Variants in ABCG2 observed in about 807,000 individuals in gnomAD.
The protein encoded by ABCG2 is broad substrate specificity ATP-binding cassette transporter ABCG2.
ABCG2 carries 80 observed loss-of-function variants against 73.5 expected under a neutral mutation model. The ratio of observed to expected loss-of-function variants is 1.09; its 90% CI spans 0.91 to 1.31. The LOEUF (loss-of-function observed/expected upper bound fraction) is 1.31. Among genes scored for constraint, ABCG2 ranks in the 50% most tolerant of loss-of-function variants. The probability of loss-of-function intolerance (pLI) is 0.00; values close to 1 mark genes in which losing one functional copy is unlikely to be tolerated. For synonymous variants in ABCG2, 269 were observed against 282.4 expected (o/e 0.95, Z 0.48); for missense variants, 796 against 786.2 (o/e 1.01, Z -0.15).
At chr4:88,132,005 A>G (rs1724927252) in intron 3 of ABCG2, 88 bp from the exon 4 acceptor site, 10 of 808,096 alleles carry the variant, frequency 1.2e-5, no homozygotes, top group South Asian at 1.9e-5. Flanking sequence ...CACATGCTAT[A>G]TATCTCATGG....
chr4:88,184,681 A>C (rs975864102), intron 1 of ABCG2, among the ~76,000 whole-genome samples: 13 of 152,220 alleles, frequency 8.5e-5, no homozygotes, highest in Non-Finnish European at 1.6e-4. Flanking sequence ...GGCATTCATC[A>C]TAAGAATAGA....
intron 10 of ABCG2, among the ~76,000 whole-genome samples, chr4:88,105,127 T>G (rs1049923804): frequency 6.6e-6 from 1 of 152,186 alleles, no homozygotes; most frequent in African/African-American, 2.4e-5. Context: ...AAAACAACAA[T>G]GACATCACTC....
chr4:88,167,478 A>G (rs1025967783), intron 1 of ABCG2, among the ~76,000 whole-genome samples: 4 of 150,976 alleles, frequency 2.6e-5, no homozygotes, highest in Non-Finnish European at 5.9e-5. Context: ...GGCTCAAGCA[A>G]TTATCCTGCC....
Position 88,101,188 on chromosome 4 carries a change from T to G in ABCG2, c.1367+42A>C, listed in dbSNP as rs45614634. The G allele has an allele frequency of 1.9e-4, 306 of 1,573,350 alleles. No homozygotes were observed. The African/African-American group carries it at 3.5e-3, about 18-fold the overall frequency. Reference sequence around the variant, plus strand: ...TGTAATCAGTCTAACCAATAGCCCCTGCTGCTGGACAGCCCCGTTCCCAGA... The same window carrying G: ...TGTAATCAGTCTAACCAATAGCCCCGGCTGCTGGACAGCCCCGTTCCCAGA... On this transcript the variant is annotated intron_variant, in intron 11 of 15. Coordinates refer to ENST00000237612, the MANE Select transcript of ABCG2 (RefSeq NM_004827.3).
At position 88,113,289 on chromosome 4, in the gene ABCG2, A is replaced by C. The variant is rs777549352; in HGVS notation, c.1194+14T>G. 7 of 1,610,362 alleles carry C rather than the reference A, an allele frequency of 4.3e-6. No homozygotes were observed. The South Asian group carries it at 7.8e-5, about 18-fold the overall frequency. ...TGTTCCCATTTGAGTATTTCAAAAG[A>C]ATCTGCTGGTTACCTGAGCTATAGA... On this transcript the variant is annotated intron_variant, in intron 9 of 15. Transcript: ENST00000237612.
At chr4:88,127,271 T>A (rs1578204821) in intron 5 of ABCG2, among the ~76,000 whole-genome samples, 1 of 150,678 alleles carries the variant, frequency 6.6e-6, no homozygotes, top group African/African-American at 2.4e-5. Context: ...AATAAGAGAG[T>A]ACACAAACAA....
Position 88,181,398 on chromosome 4 carries a change from CAA to C in ABCG2, c.-19-41386_-19-41385del, listed in dbSNP as rs57417105. On this transcript the variant is annotated intron_variant, in intron 1 of 15. Coordinates refer to the ABCG2 transcript ENST00000515655. ...CTGGTGACAGAGCAAGACTCCATCT[CAA>C]AAAAAAAAAAAAAAAAAAAAAAAGA... 1.1e-4 allele frequency among the ~76,000 whole-genome samples: 11 copies of C among 96,876 alleles called. No homozygotes were observed. In the South Asian group the frequency reaches 1.7e-3, roughly 15 times the overall value. The allele number at this position is 96,876 out of a possible 152,430, so 63.6% of individuals were successfully genotyped here. A position where few individuals can be genotyped will look rare whatever the true frequency, so the allele number is the denominator to read the frequency against.
In ABCG2 at chr4:88,122,618, T is replaced by G. The variant is rs552924684; in HGVS notation, c.532-826A>C. ...TAGCCAGACTGCCTCTCTAGATTCC[T>G]CCTCTCTATGCAGGGCATCTCTGAA... On this transcript the variant is annotated intron_variant, in intron 5 of 15. Transcript: ENST00000237612. Among the ~76,000 whole-genome samples, 38 of 152,232 alleles carry G rather than the reference T, an allele frequency of 2.5e-4. 1 individual carries two copies. The South Asian group carries it at 2.7e-3, about 11-fold the overall frequency.
chr4:88,158,949 G>C (rs954009057), upstream of ABCG2: 18 of 348,184 alleles, frequency 5.2e-5, no homozygotes, highest in Admixed American at 5.2e-4. Flanking sequence ...CCCAGGTCGG[G>C]GTTCGCGGGC....
At chr4:88,210,312 C>T (rs1295763400) in intron 1 of ABCG2, among the ~76,000 whole-genome samples, 2 of 152,188 alleles carry the variant, frequency 1.3e-5, no homozygotes, top group Admixed American at 1.3e-4. Context: ...ACCTCAGCCT[C>T]CAGTGGCTGG....
intron 11 of ABCG2, among the ~76,000 whole-genome samples, chr4:88,100,509 A>G (rs1722325892): frequency 1.3e-5 from 2 of 150,374 alleles, no homozygotes; most frequent in African/African-American, 2.4e-5. Context: ...TCTATGTCAA[A>G]AAAAAAAAAA....
chr4:88,155,928 G>C (rs974526330), intron 1 of ABCG2, among the ~76,000 whole-genome samples: 2 of 152,028 alleles, frequency 1.3e-5, no homozygotes, highest in African/African-American at 4.8e-5. Flanking sequence ...AACTCTAATA[G>C]AACATCCAGT....
upstream of ABCG2, among the ~76,000 whole-genome samples, chr4:88,160,486 C>T (rs939243313): frequency 3.3e-5 from 5 of 152,052 alleles, no homozygotes; most frequent in African/African-American, 7.2e-5. Context: ...ATATGAAGCA[C>T]ATTTTTAAAA....
At chr4:88,160,780 C>T (rs1053056989), upstream of ABCG2, among the ~76,000 whole-genome samples, 11 of 139,072 alleles carry the variant, frequency 7.9e-5, no homozygotes, top group Non-Finnish European at 1.5e-4. Context: ...GCCAGGGAGG[C>T]AGAGGCTGCA....
At chr4:88,113,695 G>T in intron 8 of ABCG2, 142 bp from the exon 9 acceptor site, 1 of 1,099,234 alleles carries the variant, frequency 9.1e-7, no homozygotes, top group Non-Finnish European at 1.3e-6. Context: ...AGGCACGGCG[G>T]CTCATGACTG....
At chr4:88,159,850 C>G (rs888347434), upstream of ABCG2, among the ~76,000 whole-genome samples, 4 of 151,986 alleles carry the variant, frequency 2.6e-5, no homozygotes, top group African/African-American at 9.7e-5. Flanking sequence ...CATGATGCGC[C>G]CAAACATTTG....
At chr4:88,125,492 C>CA (rs1337597948) in intron 5 of ABCG2, among the ~76,000 whole-genome samples, 1 of 150,798 alleles carries the variant, frequency 6.6e-6, no homozygotes, top group Non-Finnish European at 1.5e-5. Flanking sequence ...CCTGTAGTCC[C>CA]AGCTACTTGG....
intron 1 of ABCG2, among the ~76,000 whole-genome samples, chr4:88,146,031 A>C (rs1435948014): frequency 4.6e-5 from 7 of 152,020 alleles, no homozygotes; most frequent in Non-Finnish European, 8.8e-5. Flanking sequence ...TAACTGCAAA[A>C]ATCCAGGGGA....
chr4:88,107,982 C>T (rs1722872164), intron 9 of ABCG2, among the ~76,000 whole-genome samples: 1 of 152,204 alleles, frequency 6.6e-6, no homozygotes, highest in Non-Finnish European at 1.5e-5. Context: ...CTCATCGCTT[C>T]AGCCAGTGAG....
Sources: gnomAD v4.1 joint callset for allele counts (sites outside exome capture counted in the v4.1 genomes callset) on GRCh38, gnomAD v4.1.1 for gene constraint, MANE v1.5 for transcripts, NCBI Gene and HGNC (gene_info 2026-07-23, HGNC 2026-07-21) for gene names.